The following MOV10L1 variants were observed in gnomAD, a reference collection of about 807,000 sequenced individuals.
MOV10L1 encodes the protein Mov10 like RNA helicase 1, also known as RNA helicase Mov10l1.
MOV10L1 carries 110 observed loss-of-function variants against 143.8 expected under a neutral mutation model. The ratio of observed to expected loss-of-function variants is 0.76; its 90% CI spans 0.66 to 0.90. The LOEUF is 0.90. Ranked by LOEUF, MOV10L1 falls within the 40% of genes least tolerant of loss-of-function variation. The pLI is 0.00. For missense variants in MOV10L1, 1,406 were observed against 1,526.8 expected (o/e 0.92, Z 1.32); for synonymous variants, 593 against 581.1 (o/e 1.02, Z -0.29).
chr22:50,115,268 G>A, intron 8 of MOV10L1, 22 bp downstream of exon 8: 1 of 1,478,636 alleles, frequency 6.8e-7, no homozygotes, highest in Non-Finnish European at 8.9e-7. Context: ...GAGGTCTGGG[G>A]AGAGCCGCGT....
chr22:50,110,803 C>T (rs962136747), intron 5 of MOV10L1, among the ~76,000 whole-genome samples: 2 of 151,978 alleles, frequency 1.3e-5, no homozygotes, highest in African/African-American at 4.8e-5. Context: ...TGGCAGCGCA[C>T]ACCCTTAATC....
rs762879678 is a variant in MOV10L1 at position 50,114,555 on chromosome 22, C to T, written c.1059C>T (p.Ser353=). ...SSDENINSLN[S]HTKNKTSQMS... ...ATGAAAATATTAATTCATTAAATAG[C>T]CACACAAAAAACAAAACCTCTCAGA... Residue 353 remains serine, a synonymous_variant, in exon 7 of 27, where the codon AGC becomes AGT. Transcript: ENST00000262794. 3 of 1,614,004 alleles carry T rather than the reference C, an allele frequency of 1.9e-6. No homozygotes were observed. Among genetic ancestry groups the T allele is most frequent in the African/African-American group, 2.7e-5 (2 of 74,896 alleles).
At chr22:50,130,963 C>G (rs1001388594) in intron 13 of MOV10L1, among the ~76,000 whole-genome samples, 1 of 152,138 alleles carries the variant, frequency 6.6e-6, no homozygotes, top group Non-Finnish European at 1.5e-5. Flanking sequence ...GTGGCACGAT[C>G]TCGGCTCACT....
intron 5 of MOV10L1, 28 bp downstream of exon 5, chr22:50,108,872 C>T (rs372750539): frequency 1.2e-4 from 192 of 1,605,842 alleles, no homozygotes; most frequent in Non-Finnish European, 1.5e-4. Flanking sequence ...TGGCCAGGTG[C>T]GGTGGCTAAC....
In MOV10L1 at chr22:50,113,717, T is replaced by C. The variant is rs2062085285; in HGVS notation, c.813T>C (p.Ile271=). The C allele has an allele frequency of 6.2e-7, 1 of 1,613,946 alleles. No individual in the cohort carries two copies. Among genetic ancestry groups the C allele is most frequent in the Admixed American group, 1.7e-5 (1 of 59,970 alleles). ...GTILLKNKGD[I]EVTQVTHFGT... is the part of the protein sequence containing the mutation. ...TTTTGCTGAAGAACAAAGGTGATAT[T>C]GAAGTTACACAGGTGACGCATTTTG... The change falls in exon 6 of 27, where the codon ATT becomes ATC. Residue 271 remains isoleucine, a synonymous_variant. Coordinates refer to ENST00000262794, the MANE Select transcript of MOV10L1 (RefSeq NM_018995.3).
intron 15 of MOV10L1, among the ~76,000 whole-genome samples, chr22:50,141,335 CTTT>C (rs57632309): frequency 1.1e-4 from 16 of 146,346 alleles, no homozygotes; most frequent in African/African-American, 3.5e-4. Context: ...TGCGTGCAGC[CTTT>C]TTTTTTTTTA....
intron 5 of MOV10L1, among the ~76,000 whole-genome samples, chr22:50,111,669 A>C (rs544409249): frequency 6.6e-6 from 1 of 151,068 alleles, no homozygotes; most frequent in Non-Finnish European, 1.5e-5. Flanking sequence ...ATGCCTGGCT[A>C]ATTTTTTGTA....
At chr22:50,125,275 C>G in intron 10 of MOV10L1, 117 bp from the exon 11 acceptor site, 1 of 1,043,532 alleles carries the variant, frequency 9.6e-7, no homozygotes, top group Non-Finnish European at 1.4e-6. Flanking sequence ...GAGGATCGCC[C>G]CACCTGGGGG....
chr22:50,120,164 G>A (rs934252454), intron 9 of MOV10L1, among the ~76,000 whole-genome samples: 5 of 152,184 alleles, frequency 3.3e-5, no homozygotes, highest in Non-Finnish European at 5.9e-5. Context: ...AATATAGTAG[G>A]AAGAGCTTAG....
At chr22:50,129,047 A>G (rs1389479516) in intron 13 of MOV10L1, among the ~76,000 whole-genome samples, 1 of 152,024 alleles carries the variant, frequency 6.6e-6, no homozygotes, top group Admixed American at 6.5e-5. Flanking sequence ...AGGAGCCCCC[A>G]CCATGCCTGT....
At chr22:50,120,426 G>A (rs1279863321) in intron 9 of MOV10L1, 76 bp from the exon 10 acceptor site, 2 of 912,940 alleles carry the variant, frequency 2.2e-6, no homozygotes, top group East Asian at 2.4e-5. Context: ...AAATAGGAAA[G>A]GATGTTTAGG....
intron 5 of MOV10L1, 117 bp from the exon 6 acceptor site, chr22:50,113,531 C>G: frequency 7.3e-7 from 1 of 1,371,712 alleles, no homozygotes; most frequent in Non-Finnish European, 9.9e-7. Context: ...GAAGCCCTGC[C>G]TGTGGTGAGG....
intron 3 of MOV10L1, among the ~76,000 whole-genome samples, chr22:50,104,184 T>C (rs2061813937): frequency 6.6e-6 from 1 of 152,202 alleles, no homozygotes; most frequent in South Asian, 2.1e-4. Flanking sequence ...GAGGTGGCGC[T>C]CAGGCTGTAA....
At chr22:50,114,899 T>G (rs927180975) in intron 7 of MOV10L1, among the ~76,000 whole-genome samples, 1 of 152,208 alleles carries the variant, frequency 6.6e-6, no homozygotes, top group African/African-American at 2.4e-5. Flanking sequence ...GGGGCAGGCC[T>G]TCTATCCCAG....
intron 22 of MOV10L1, among the ~76,000 whole-genome samples, chr22:50,156,250 G>A (rs1280929060): frequency 6.6e-6 from 1 of 151,918 alleles, no homozygotes; most frequent in Non-Finnish European, 1.5e-5. Flanking sequence ...CAAGCAGCTG[G>A]GACTACAGGC....
intron 2 of MOV10L1, among the ~76,000 whole-genome samples, chr22:50,098,770 C>T (rs1019697952): frequency 6.6e-6 from 1 of 152,186 alleles, no homozygotes; most frequent in African/African-American, 2.4e-5. Flanking sequence ...GGAAAGCTTT[C>T]GGCCTTTCAC....
rs73893128 is a variant in MOV10L1 at position 50,158,374 on chromosome 22, C to A, written c.3216+168C>A. On this transcript the variant is annotated intron_variant, in intron 23 of 26. Transcript: ENST00000262794. The surrounding 1 kb of genome is among the most constrained non-coding windows in gnomAD (Gnocchi z 5.0). ...TCAACATGAGAGGTCACCCAACTGC[C>A]ATCCATGGGCCAGTTCCGGGCAGCT... 1,396 of 770,498 alleles carry A rather than the reference C, an allele frequency of 1.8e-3. 13 individuals carry two copies. The African/African-American group carries it at 0.023, about 13-fold the overall frequency. 47.7% of individuals were successfully genotyped at this position (770,498 alleles called of 1,614,324 possible).
chr22:50,091,510 G>C (rs2062441659), intron 1 of MOV10L1: 1 of 154,210 alleles, frequency 6.5e-6, no homozygotes, highest in Non-Finnish European at 1.5e-5. Context: ...GCATGCTAAT[G>C]ACTCCCAGAT....
At chr22:50,138,786 C>G (rs2062902120) in intron 15 of MOV10L1, among the ~76,000 whole-genome samples, 1 of 152,098 alleles carries the variant, frequency 6.6e-6, no homozygotes, top group African/African-American at 2.4e-5. Context: ...TCACTGCAAC[C>G]TCCGCCTCCC....
Sources: allele counts gnomAD v4.1 joint callset (sites outside exome capture counted in the v4.1 genomes callset), GRCh38; gene constraint gnomAD v4.1.1; non-coding constraint Gnocchi (gnomAD v3.1); transcripts MANE v1.5; gene names NCBI Gene and HGNC (gene_info 2026-07-23, HGNC 2026-07-21).